Variants in NCAPD3 observed in about 807,000 individuals in gnomAD.
NCAPD3 encodes condensin-2 complex subunit D3.
A neutral mutation model predicts 182.9 loss-of-function variants in NCAPD3; 105 were observed. The observed-to-expected ratio is 0.57, with a 90% confidence interval of 0.49 to 0.68. The LOEUF (loss-of-function observed/expected upper bound fraction) is 0.68, where lower values mean the gene tolerates loss of function less well. NCAPD3 is among the 30% of genes least tolerant of loss of function. The probability of loss-of-function intolerance (pLI) is 0.00; values close to 1 mark genes in which losing one functional copy is unlikely to be tolerated. For missense variants in NCAPD3, 1,944 were observed against 1,837.0 expected (o/e 1.06, Z -1.07); for synonymous variants, 815 against 679.9 (o/e 1.20, Z -3.09).
At chr11:134,186,484 A>T (rs556391060) in intron 16 of NCAPD3, among the ~76,000 whole-genome samples, 1 of 152,218 alleles carries the variant, frequency 6.6e-6, no homozygotes, top group Non-Finnish European at 1.5e-5. Context: ...AAGTACTGAG[A>T]TTATAGTTGT....
intron 8 of NCAPD3, among the ~76,000 whole-genome samples, chr11:134,205,315 C>T (rs1318462936): frequency 1.3e-5 from 2 of 152,102 alleles, no homozygotes; most frequent in East Asian, 3.8e-4. Context: ...ACAGTACCAC[C>T]TCATGGTAGC....
intron 13 of NCAPD3, among the ~76,000 whole-genome samples, chr11:134,201,617 C>T (rs1565549689): frequency 6.6e-6 from 1 of 152,212 alleles, no homozygotes; most frequent in Non-Finnish European, 1.5e-5. Context: ...AATATATGTC[C>T]TTTCAGCTTA....
chr11:134,186,467 C>T (rs1944407236), intron 16 of NCAPD3, among the ~76,000 whole-genome samples: 1 of 152,306 alleles, frequency 6.6e-6, no homozygotes, highest in Admixed American at 6.5e-5. Context: ...CCTGTCTTGG[C>T]CTTCCAAAGT....
intron 2 of NCAPD3, among the ~76,000 whole-genome samples, chr11:134,219,865 C>T (rs544371722): frequency 1.3e-5 from 2 of 152,146 alleles, no homozygotes; most frequent in Non-Finnish European, 2.9e-5. Flanking sequence ...GGCGTGATCT[C>T]GGCTCACTGT....
intron 16 of NCAPD3, among the ~76,000 whole-genome samples, chr11:134,191,108 T>C (rs1478272738): frequency 3.3e-5 from 5 of 152,224 alleles, no homozygotes; most frequent in African/African-American, 9.6e-5. Flanking sequence ...TCTTCTAAAC[T>C]TGCATTTTTT....
Position 134,168,200 on chromosome 11 carries a change from G to C in NCAPD3, c.3374-5C>G. ...GGATGCCATCAGCAAAGCACGCTGA[G>C]AGACAGAGAGAGAGAAAAACGTGAG... On this transcript the variant is annotated splice_region_variant and splice_polypyrimidine_tract_variant and intron_variant, in intron 26 of 34. Transcript: ENST00000534548. The C allele has an allele frequency of 3.1e-6, 5 of 1,612,348 alleles. No homozygotes were observed. Among genetic ancestry groups the C allele is most frequent in the Non-Finnish European group, 4.2e-6 (5 of 1,178,484 alleles).
intron 3 of NCAPD3, 147 bp downstream of exon 3, chr11:134,216,789 G>C: frequency 8.7e-6 from 6 of 691,036 alleles, no homozygotes; most frequent in Admixed American, 3.6e-5. Context: ...ATGTACTTTA[G>C]AGACTTGCTC....
chr11:134,166,940 T>G (rs1311057128), intron 27 of NCAPD3, among the ~76,000 whole-genome samples: 1 of 75,192 alleles, frequency 1.3e-5, no homozygotes, highest in Non-Finnish European at 2.5e-5. Context: ...TTAGGGGAGC[T>G]GCACACTCAC....
chr11:134,206,258 G>A (rs1174029746), intron 8 of NCAPD3, among the ~76,000 whole-genome samples: 1 of 152,212 alleles, frequency 6.6e-6, no homozygotes, highest in African/African-American at 2.4e-5. Flanking sequence ...CAACAGAAAA[G>A]GGAAAGAGGT....
intron 29 of NCAPD3, among the ~76,000 whole-genome samples, chr11:134,159,352 C>T (rs965908778): frequency 2.0e-5 from 3 of 152,170 alleles, no homozygotes; most frequent in Non-Finnish European, 2.9e-5. Context: ...TGAGCAAGTC[C>T]ATAAGTAATG....
rs141547598 is a variant in NCAPD3 at position 134,159,930 on chromosome 11, C to G, written c.3829G>C (p.Gly1277Arg). 6.2e-7 allele frequency: 1 copy of G among 1,613,636 alleles called. No homozygotes were observed. Among genetic ancestry groups the G allele is most frequent in the Non-Finnish European group, 8.5e-7 (1 of 1,180,034 alleles). ...GCCACCTCAGCACCTCCAGCCGTCC[C>G]GGCCACATCTGCATGTTTTGCTAGC... is the stretch of plus-strand genomic sequence containing the variant. The part of the protein sequence containing the change: ...QELAKHADVA[G>R]TAGGAEVAPV... Residue 1277 changes from glycine (G) to arginine (R), a missense_variant, in exon 29 of 35, where the codon GGG (glycine) becomes CGG (arginine). Around this residue, in one of 3 missense-constraint regions of NCAPD3, gnomAD observed 1,803 missense variants for 1,674.6 expected, o/e 1.08. Transcript: ENST00000534548.
rs900447599 is a variant in NCAPD3 at position 134,204,502 on chromosome 11, G to T, written c.1090-331C>A. On this transcript the variant is annotated intron_variant, in intron 9 of 34. Coordinates refer to ENST00000534548, the MANE Select transcript of NCAPD3 (RefSeq NM_015261.3). This position sits in a 1 kb window ranked among gnomAD's most constrained non-coding sequence, Gnocchi z 4.3. ...GATCATCATGGAAATTTGAACACTG[G>T]ATGTTTGATAATATTAAGGAATTAC... Among the ~76,000 whole-genome samples, 1 of 152,150 alleles carries T rather than the reference G, an allele frequency of 6.6e-6. No individual in the cohort carries two copies. The highest frequency in any genetic ancestry group is 2.4e-5 in the African/African-American group (1 of 41,422).
At position 134,158,468 on chromosome 11, in the gene NCAPD3, C is replaced by A. The variant is rs1041107351; in HGVS notation, c.3895G>T (p.Val1299Phe). 6.2e-7 allele frequency: 1 copy of A among 1,614,068 alleles called. No homozygotes were observed. The highest frequency in any genetic ancestry group is 8.5e-7 in the Non-Finnish European group (1 of 1,180,036). The change falls in exon 30 of 35, where the codon GTT (valine) becomes TTT (phenylalanine). Residue 1299 changes from valine to phenylalanine, a missense_variant. Around this residue, in one of 3 missense-constraint regions of NCAPD3, gnomAD observed 1,803 missense variants for 1,674.6 expected, o/e 1.08. Coordinates refer to ENST00000534548, the MANE Select transcript of NCAPD3 (RefSeq NM_015261.3). ...QVALCLETVP[V>F]PAGQENPAMS... is the part of the protein sequence containing the mutation. ...GCAGGGTTTTCTTGGCCAGCAGGAA[C>A]TGGCACTGTTTCTAAACACAGGGCA...
chr11:134,158,643 CCAT>C, intron 29 of NCAPD3, 148 bp from the exon 30 acceptor site: 1 of 792,310 alleles, frequency 1.3e-6, no homozygotes, highest in South Asian at 1.8e-5. Context: ...ATTGGCATCT[CCAT>C]CACCTCAAAC....
rs1196051474 is a variant in NCAPD3 at position 134,151,605 on chromosome 11, T to A, written c.*1339A>T. 6.6e-6 allele frequency: 1 copy of A among 152,280 alleles called. No homozygotes were observed. The highest frequency in any genetic ancestry group is 2.1e-4 in the South Asian group (1 of 4,820). The allele number at this position is 152,280 out of a possible 1,614,324, so 9.4% of individuals were successfully genotyped here. A position where few individuals can be genotyped will look rare whatever the true frequency, so the allele number is the denominator to read the frequency against. On this transcript the variant is annotated 3_prime_UTR_variant, in exon 35 of 35. Coordinates refer to ENST00000534548, the MANE Select transcript of NCAPD3 (RefSeq NM_015261.3). ...AGGAATACTCGTGTATTTTAAGATA[T>A]GAATGTGACTCAAGACTCGAGGCCG...
At chr11:134,175,151 T>C (rs775228412) in intron 24 of NCAPD3, among the ~76,000 whole-genome samples, 27 of 152,330 alleles carry the variant, frequency 1.8e-4, no homozygotes, top group Non-Finnish European at 3.4e-4. Flanking sequence ...AGTTTACTCA[T>C]TGATCATTGC....
upstream of NCAPD3, chr11:134,225,052 T>C: frequency 6.9e-7 from 1 of 1,451,704 alleles, no homozygotes; most frequent in Non-Finnish European, 9.2e-7. Context: ...CTGGCCTTCT[T>C]TACCTAGGGC....
At chr11:134,188,698 C>T (rs992151042) in intron 16 of NCAPD3, among the ~76,000 whole-genome samples, 2 of 152,034 alleles carry the variant, frequency 1.3e-5, no homozygotes, top group African/African-American at 2.4e-5. Context: ...AGGGAAGAAA[C>T]TCCAGGCACA....
intron 29 of NCAPD3, 81 bp downstream of exon 29, chr11:134,159,811 A>G: frequency 1.4e-6 from 2 of 1,423,944 alleles, no homozygotes; most frequent in Non-Finnish European, 9.4e-7. Flanking sequence ...GGAGATCTTG[A>G]GAGGTGCCAG....
Sources: gnomAD v4.1 joint callset for allele counts (sites outside exome capture counted in the v4.1 genomes callset) on GRCh38, gnomAD v4.1.1 for gene constraint, gnomAD v4.1.1 regional missense constraint, Gnocchi (gnomAD v3.1) non-coding constraint, MANE v1.5 for transcripts, NCBI Gene and HGNC (gene_info 2026-07-23, HGNC 2026-07-21) for gene names.